TRIM37: variants seen among roughly 807,000 people sequenced by gnomAD.
TRIM37 encodes the protein tripartite motif containing 37, also known as E3 ubiquitin-protein ligase TRIM37.
A neutral mutation model predicts 129.8 loss-of-function variants in TRIM37; 80 were observed. The observed-to-expected ratio is 0.62, with a 90% confidence interval of 0.51 to 0.74. TRIM37 has a LOEUF of 0.74. TRIM37 is among the 30% of genes least tolerant of loss of function. The pLI, the probability that TRIM37 is intolerant of heterozygous loss-of-function variation, is 0.00. For synonymous variants in TRIM37, 389 were observed against 387.1 expected (o/e 1.00, Z -0.06); for missense variants, 1,054 against 1,176.5 (o/e 0.90, Z 1.52).
chr17:59,101,655 CA>C (rs763661189), intron 2 of TRIM37, among the ~76,000 whole-genome samples: 20 of 58,756 alleles, frequency 3.4e-4, no homozygotes, highest in Admixed American at 1.0e-3. Context: ...CCCATCTCTA[CA>C]AAAAAAAAAA....
intron 24 of TRIM37, among the ~76,000 whole-genome samples, chr17:58,985,399 G>A (rs1040835224): frequency 2.0e-5 from 3 of 152,216 alleles, no homozygotes; most frequent in Non-Finnish European, 4.4e-5. Context: ...GCTGAACTGC[G>A]AGGAGAGGGA....
intron 20 of TRIM37, among the ~76,000 whole-genome samples, 179 bp from the exon 21 acceptor site, chr17:59,015,978 AAAAATAAAAT>A (rs910819490): frequency 9.2e-5 from 14 of 151,858 alleles, no homozygotes; most frequent in Admixed American, 8.5e-4. Context: ...TCTGTCTCCA[AAAAATAAAAT>A]AAAATAAAAT....
chr17:59,086,140 C>T (rs35308719), intron 4 of TRIM37, among the ~76,000 whole-genome samples: 36,951 of 151,540 alleles, frequency 0.24, 4,807 homozygotes, highest in African/African-American at 0.34. Flanking sequence ...CTGAACTGTA[C>T]ATTAAAAAAT....
intron 17 of TRIM37, among the ~76,000 whole-genome samples, chr17:59,039,025 C>T (rs1177485455): frequency 6.6e-6 from 1 of 152,096 alleles, no homozygotes; most frequent in East Asian, 1.9e-4. Flanking sequence ...GGTTCTGGCC[C>T]GTATACAGAG....
the TRIM37 span, among the ~76,000 whole-genome samples, chr17:58,971,432 AT>A: frequency 6.6e-6 from 1 of 152,288 alleles, no homozygotes; most frequent in African/African-American, 2.4e-5. Context: ...TGGGGATGTC[AT>A]TTTCGTATAG....
At chr17:58,977,690 T>C (rs2031097880), downstream of TRIM37, among the ~76,000 whole-genome samples, 1 of 152,182 alleles carries the variant, frequency 6.6e-6, no homozygotes, top group Non-Finnish European at 1.5e-5. Context: ...ATCCATAGGG[T>C]TCCTAATGAG....
intron 21 of TRIM37, among the ~76,000 whole-genome samples, chr17:59,014,125 G>A (rs749990252): frequency 1.2e-4 from 19 of 152,192 alleles, no homozygotes; most frequent in Non-Finnish European, 2.5e-4. Flanking sequence ...TAGGTAGTAC[G>A]TAGGGAAGAC....
chr17:59,093,771 A>G (rs1468514734), intron 2 of TRIM37, among the ~76,000 whole-genome samples: 3 of 152,134 alleles, frequency 2.0e-5, no homozygotes, highest in Admixed American at 1.3e-4. Flanking sequence ...CCCTCCCTCC[A>G]TATCCCGTCT....
chr17:59,032,805 C>T (rs2038036881), intron 17 of TRIM37, among the ~76,000 whole-genome samples: 1 of 152,018 alleles, frequency 6.6e-6, no homozygotes, highest in African/African-American at 2.4e-5. Context: ...GAATTAGACA[C>T]CAAAATAGAA....
At chr17:58,982,614 T>C, downstream of TRIM37, 1 of 380,994 alleles carries the variant, frequency 2.6e-6, no homozygotes, top group Non-Finnish European at 4.8e-6. Flanking sequence ...TATAGCTATA[T>C]CAAATAGACA....
At chr17:58,985,804 A>ACTC (rs2031751638) in intron 24 of TRIM37, among the ~76,000 whole-genome samples, 1 of 152,080 alleles carries the variant, frequency 6.6e-6, no homozygotes, top group African/African-American at 2.4e-5. Flanking sequence ...AAAATCTTCA[A>ACTC]CTCCTAATTC....
Position 59,057,038 on chromosome 17 carries a change from C to G in TRIM37, c.1036G>C (p.Glu346Gln). The change falls in exon 13 of 24, where the codon GAG (glutamate) becomes CAG (glutamine). Residue 346 changes from glutamate to glutamine, a missense_variant. Physicochemically the swap from Glu to Gln is conservative, Grantham distance 29 (BLOSUM62 2). Coordinates refer to ENST00000262294, the MANE Select transcript of TRIM37 (RefSeq NM_015294.6). ...PETSKYEYRV[E>Q]MVHQSCNDPT... ...TCATTACAGGACTGGTGAACCATCTCTACACGATATTCATATCTAAAATTG... is the reference window on the plus strand; with the variant it reads ...TCATTACAGGACTGGTGAACCATCTGTACACGATATTCATATCTAAAATTG... The G allele has an allele frequency of 2.5e-6, 4 of 1,613,688 alleles. No homozygotes were observed. Among genetic ancestry groups the G allele is most frequent in the Non-Finnish European group, 3.4e-6 (4 of 1,179,852 alleles).
At chr17:59,066,907 G>A (rs2041959325) in intron 9 of TRIM37, among the ~76,000 whole-genome samples, 2 of 152,100 alleles carry the variant, frequency 1.3e-5, no homozygotes, top group Non-Finnish European at 2.9e-5. Context: ...CTAAAATATA[G>A]CTGGCATATA....
In TRIM37 at chr17:59,056,602, C is replaced by T. The variant is rs539060869; in HGVS notation, c.1199+273G>A. On this transcript the variant is annotated intron_variant, in intron 13 of 23. Transcript: ENST00000262294. ...AAAATTAGCCAGGCGTGGTGGCGGGCGCCTGTAGTCCCAGCTACTCGGGAG... is the reference window on the plus strand; with the variant it reads ...AAAATTAGCCAGGCGTGGTGGCGGGTGCCTGTAGTCCCAGCTACTCGGGAG... Among the ~76,000 whole-genome samples, 8 of 149,896 alleles carry T rather than the reference C, an allele frequency of 5.3e-5. No homozygotes were observed. In the East Asian group the frequency reaches 5.9e-4, roughly 11 times the overall value.
chr17:59,013,269 A>G (rs2035526495), intron 21 of TRIM37, among the ~76,000 whole-genome samples: 2 of 151,984 alleles, frequency 1.3e-5, no homozygotes, highest in Non-Finnish European at 2.9e-5. Flanking sequence ...TCAGCCTCCC[A>G]AGTAGCTGGG....
At chr17:59,102,753 T>G (rs566387804) in intron 2 of TRIM37, among the ~76,000 whole-genome samples, 1 of 152,348 alleles carries the variant, frequency 6.6e-6, no homozygotes, top group African/African-American at 2.4e-5. Flanking sequence ...TTGAACTTAA[T>G]GGGTTCAAAT....
intron 19 of TRIM37, among the ~76,000 whole-genome samples, chr17:59,020,626 T>C (rs147949146): frequency 1.3e-5 from 2 of 152,190 alleles, no homozygotes; most frequent in African/African-American, 4.8e-5. Context: ...AACAACTCTA[T>C]AGGAAAAAAT....
chr17:59,103,540 C>T (rs1374748805), intron 2 of TRIM37, among the ~76,000 whole-genome samples: 1 of 151,802 alleles, frequency 6.6e-6, no homozygotes, highest in African/African-American at 2.4e-5. Context: ...TGGGGTTTCA[C>T]CATGTTGGTC....
intron 19 of TRIM37, among the ~76,000 whole-genome samples, chr17:59,021,464 C>T (rs967273504): frequency 1.3e-5 from 2 of 152,076 alleles, no homozygotes; most frequent in African/African-American, 2.4e-5. Context: ...GGAATGAGAT[C>T]CTGTCATTTG....
Sources: gnomAD v4.1 joint callset for allele counts (sites outside exome capture counted in the v4.1 genomes callset) on GRCh38, gnomAD v4.1.1 for gene constraint, MANE v1.5 for transcripts, NCBI Gene and HGNC (gene_info 2026-07-23, HGNC 2026-07-21) for gene names.